The following PDGFD variants were observed in gnomAD, a reference collection of about 807,000 sequenced individuals.
The protein encoded by PDGFD is platelet-derived growth factor D.
A neutral mutation model predicts 44.7 loss-of-function variants in PDGFD; 30 were observed. That is an observed-to-expected ratio of 0.67 (90% CI 0.50 to 0.91). The LOEUF (loss-of-function observed/expected upper bound fraction) is 0.91, where lower values mean the gene tolerates loss of function less well. PDGFD is among the 40% of genes least tolerant of loss of function. PDGFD has a pLI of 0.00. For missense variants in PDGFD, 445 were observed against 457.8 expected, an observed-to-expected ratio of 0.97 and a Z score of 0.25; for synonymous variants, 173 against 168.4, an observed-to-expected ratio of 1.03 and a Z score of -0.21.
intron 1 of PDGFD, among the ~76,000 whole-genome samples, chr11:104,034,681 C>T (rs1240868466): frequency 6.6e-6 from 1 of 150,548 alleles, no homozygotes; most frequent in African/African-American, 2.4e-5. Context: ...CTCGCTCTGT[C>T]ACCCAGGCTG....
chr11:104,096,461 G>A (rs1861289890), intron 1 of PDGFD, among the ~76,000 whole-genome samples: 1 of 152,166 alleles, frequency 6.6e-6, no homozygotes, highest in African/African-American at 2.4e-5. Context: ...AAGGAAGAAA[G>A]ACAACGAACA....
intron 3 of PDGFD, among the ~76,000 whole-genome samples, chr11:103,956,240 G>A (rs548905764): frequency 8.6e-5 from 13 of 150,586 alleles, no homozygotes; most frequent in African/African-American, 3.2e-4. Flanking sequence ...AGTCCCCAGA[G>A]CGTGATGTTC....
At chr11:104,132,978 A>C (rs1861945509) in intron 1 of PDGFD, among the ~76,000 whole-genome samples, 1 of 152,152 alleles carries the variant, frequency 6.6e-6, no homozygotes, top group South Asian at 2.1e-4. Flanking sequence ...TCTTGCTTAC[A>C]TAAAAATCAG....
intron 5 of PDGFD, among the ~76,000 whole-genome samples, chr11:103,931,168 T>G (rs546578081): frequency 6.6e-6 from 1 of 152,348 alleles, no homozygotes; most frequent in South Asian, 2.1e-4. Context: ...TTTAAAAATC[T>G]ATTCCTTATT....
intron 3 of PDGFD, among the ~76,000 whole-genome samples, chr11:103,952,568 G>T (rs1206595048): frequency 1.3e-5 from 2 of 152,146 alleles, no homozygotes; most frequent in Admixed American, 6.6e-5. Context: ...GGTCTGATAT[G>T]AGCAAACTGA....
intron 1 of PDGFD, among the ~76,000 whole-genome samples, chr11:104,066,940 T>C (rs190722573): frequency 1.3e-4 from 20 of 152,336 alleles, no homozygotes; most frequent in Admixed American, 9.2e-4. Context: ...CTAAGTCATA[T>C]ATTTCAATTC....
At chr11:104,088,901 G>T (rs1002992322) in intron 1 of PDGFD, among the ~76,000 whole-genome samples, 2 of 144,858 alleles carry the variant, frequency 1.4e-5, no homozygotes, top group African/African-American at 5.1e-5. Context: ...CTCCACATAA[G>T]CATGAACAAC....
intron 1 of PDGFD, among the ~76,000 whole-genome samples, chr11:104,163,135 G>A (rs1862413396): frequency 6.6e-6 from 1 of 152,110 alleles, no homozygotes. Context: ...GAAACTAGCA[G>A]CAGAAGCCTG....
intron 1 of PDGFD, among the ~76,000 whole-genome samples, chr11:104,162,420 CACACAGTTTGGTGT>C (rs139532300): frequency 0.091 from 13,900 of 152,026 alleles, 666 homozygotes; most frequent in East Asian, 0.11. Flanking sequence ...GACAAAAAAC[CACACAGTTTGGTGT>C]TGGGCCTAAT....
intron 3 of PDGFD, among the ~76,000 whole-genome samples, chr11:103,973,026 G>A (rs1480627558): frequency 1.3e-5 from 2 of 152,122 alleles, no homozygotes; most frequent in African/African-American, 4.8e-5. Context: ...GAGTAATACA[G>A]GAACCTTGCT....
At chr11:103,940,029 G>C (rs1242178204) in intron 5 of PDGFD, among the ~76,000 whole-genome samples, 1 of 151,906 alleles carries the variant, frequency 6.6e-6, no homozygotes, top group African/African-American at 2.4e-5. Context: ...TGACATCCTG[G>C]TTTCAATACT....
chr11:104,094,197 T>C (rs1483736019), intron 1 of PDGFD, among the ~76,000 whole-genome samples: 1 of 152,046 alleles, frequency 6.6e-6, no homozygotes, highest in Admixed American at 6.6e-5. Flanking sequence ...TTCGTGGCCA[T>C]CGTATCAGCA....
At chr11:104,037,326 G>A (rs750759457) in intron 1 of PDGFD, 4 of 1,613,670 alleles carry the variant, frequency 2.5e-6, no homozygotes, top group Non-Finnish European at 3.4e-6. Flanking sequence ...CTCCCTTGGC[G>A]GAAGCCCTGC....
chr11:104,044,813 C>T (rs1341598028), intron 1 of PDGFD, among the ~76,000 whole-genome samples: 4 of 152,076 alleles, frequency 2.6e-5, no homozygotes, highest in East Asian at 1.9e-4. Context: ...CCAAGGTGAA[C>T]GGATCACGAG....
intron 1 of PDGFD, among the ~76,000 whole-genome samples, chr11:104,034,300 T>A (rs1203086115): frequency 6.9e-6 from 1 of 144,600 alleles, no homozygotes; most frequent in Non-Finnish European, 1.6e-5. Context: ...CACGTCTGTT[T>A]CCCTAGAACT....
At position 103,957,885 on chromosome 11, in the gene PDGFD, G is replaced by A. The variant is rs555239609; in HGVS notation, c.511-10161C>T. 2.6e-4 allele frequency among the ~76,000 whole-genome samples: 39 copies of A among 152,252 alleles called. No homozygotes were observed. The East Asian group carries it at 6.8e-3, about 26-fold the overall frequency. On this transcript the variant is annotated intron_variant, in intron 3 of 6. Transcript: ENST00000393158. ...CTACTTTGTTAATAGCTTCCATGGT[G>A]TTTGGTCATACCATGGTGTTTGGTG...
chr11:103,989,063 C>T (rs1859412317), intron 3 of PDGFD, among the ~76,000 whole-genome samples: 1 of 152,030 alleles, frequency 6.6e-6, no homozygotes, highest in Non-Finnish European at 1.5e-5. Flanking sequence ...TTATTATCAT[C>T]ATCAGGACTG....
At chr11:104,143,057 G>A (rs1306379984) in intron 1 of PDGFD, among the ~76,000 whole-genome samples, 9 of 152,098 alleles carry the variant, frequency 5.9e-5, no homozygotes, top group African/African-American at 2.2e-4. Context: ...AGCTATGCAG[G>A]TTTTCCTTAC....
intron 1 of PDGFD, among the ~76,000 whole-genome samples, chr11:104,090,935 A>G (rs1861203884): frequency 2.0e-5 from 3 of 152,150 alleles, no homozygotes; most frequent in Admixed American, 2.0e-4. Context: ...AGTTTCTACT[A>G]TAGCTCTAAA....
Sources: allele counts gnomAD v4.1 joint callset (sites outside exome capture counted in the v4.1 genomes callset), GRCh38; gene constraint gnomAD v4.1.1; transcripts MANE v1.5; gene names NCBI Gene and HGNC (gene_info 2026-07-23, HGNC 2026-07-21).